CHCHD6: variants seen among roughly 807,000 people sequenced by gnomAD.
The protein encoded by CHCHD6 is MICOS complex subunit MIC25.
A neutral mutation model predicts 32.3 loss-of-function variants in CHCHD6; 28 were observed. That is an observed-to-expected ratio of 0.87 (90% CI 0.64 to 1.19). The LOEUF is 1.19. Among genes scored for constraint, CHCHD6 ranks in the 50% most tolerant of loss-of-function variants. The pLI is 0.00. For synonymous variants in CHCHD6, 122 were observed against 117.5 expected, an observed-to-expected ratio of 1.04 and a Z score of -0.25; for missense variants, 333 against 307.0, an observed-to-expected ratio of 1.08 and a Z score of -0.63.
intron 6 of CHCHD6, among the ~76,000 whole-genome samples, chr3:126,933,552 G>A (rs549081061): frequency 6.6e-6 from 1 of 152,312 alleles, no homozygotes; most frequent in South Asian, 2.1e-4. Context: ...CAAAGAAGGA[G>A]CCGGTGTGTC....
intron 6 of CHCHD6, among the ~76,000 whole-genome samples, chr3:126,942,375 T>C (rs1283236480): frequency 1.3e-5 from 2 of 152,230 alleles, no homozygotes; most frequent in Non-Finnish European, 2.9e-5. Context: ...TTAGCTTCCA[T>C]TGAGAACATT....
At chr3:126,771,980 G>A (rs534096375) in intron 4 of CHCHD6, among the ~76,000 whole-genome samples, 1 of 152,102 alleles carries the variant, frequency 6.6e-6, no homozygotes, top group Non-Finnish European at 1.5e-5. Flanking sequence ...GGTCCATTTG[G>A]TCAAGTGTTG....
At chr3:126,780,841 C>T (rs1937901057) in intron 4 of CHCHD6, among the ~76,000 whole-genome samples, 1 of 152,200 alleles carries the variant, frequency 6.6e-6, no homozygotes, top group Non-Finnish European at 1.5e-5. Context: ...AAGAAGACTG[C>T]AGGCAGACGA....
At chr3:126,881,591 G>A (rs554728208) in intron 5 of CHCHD6, among the ~76,000 whole-genome samples, 76 of 152,232 alleles carry the variant, frequency 5.0e-4, no homozygotes, top group African/African-American at 1.6e-3. Context: ...ACCACAAGTC[G>A]TTGCATCTCA....
chr3:126,765,078 T>C (rs560190621), intron 4 of CHCHD6, among the ~76,000 whole-genome samples: 2 of 152,126 alleles, frequency 1.3e-5, no homozygotes, highest in Non-Finnish European at 2.9e-5. Flanking sequence ...CTAGATCATT[T>C]TTGGCATTTT....
At chr3:126,859,738 T>C (rs1941792435) in intron 5 of CHCHD6, among the ~76,000 whole-genome samples, 1 of 152,084 alleles carries the variant, frequency 6.6e-6, no homozygotes, top group Non-Finnish European at 1.5e-5. Context: ...TCTGCGAGAC[T>C]CCAGAGCCCG....
At chr3:126,793,523 A>T (rs1480886660) in intron 4 of CHCHD6, among the ~76,000 whole-genome samples, 1 of 152,058 alleles carries the variant, frequency 6.6e-6, no homozygotes, top group African/African-American at 2.4e-5. Context: ...CCCCATAATG[A>T]TATGGGGTTG....
intron 6 of CHCHD6, among the ~76,000 whole-genome samples, chr3:126,938,257 G>T (rs532348110): frequency 6.6e-6 from 1 of 152,214 alleles, no homozygotes; most frequent in Non-Finnish European, 1.5e-5. Context: ...CTCTGGCACC[G>T]TAGCCAGAGC....
At chr3:126,939,240 G>T (rs927055564) in intron 6 of CHCHD6, among the ~76,000 whole-genome samples, 1 of 152,100 alleles carries the variant, frequency 6.6e-6, no homozygotes, top group Non-Finnish European at 1.5e-5. Flanking sequence ...GAGTGCCAGG[G>T]GTTTGGGCTT....
chr3:126,722,194 T>C (rs1456216094), intron 1 of CHCHD6, among the ~76,000 whole-genome samples: 1 of 152,264 alleles, frequency 6.6e-6, no homozygotes, highest in Non-Finnish European at 1.5e-5. Context: ...CCTCACCTGT[T>C]GTCCAGGCTG....
chr3:126,874,953 G>A (rs1256807724), intron 5 of CHCHD6, among the ~76,000 whole-genome samples: 1 of 152,112 alleles, frequency 6.6e-6, no homozygotes. Context: ...GGGTGCACTT[G>A]GTACACCTTC....
At chr3:126,865,432 T>C in intron 5 of CHCHD6, 1 of 318,052 alleles carries the variant, frequency 3.1e-6, no homozygotes, top group Non-Finnish European at 4.5e-6. Flanking sequence ...CTGCCACCTC[T>C]ACCCTCCACC....
chr3:126,767,184 T>C lies in CHCHD6; in HGVS notation c.411+33962T>C. 2.5e-6 allele frequency: 4 copies of C among 1,591,760 alleles called. No individual in the cohort carries two copies. The South Asian group carries it at 4.4e-5, about 18-fold the overall frequency. ...TTTCCTTTGCAGTCCATTATCATAC[T>C]GAATTCAGCCCCAAAGGCCATTTTG... On this transcript the variant is annotated intron_variant, in intron 4 of 7. Coordinates refer to ENST00000290913, the MANE Select transcript of CHCHD6 (RefSeq NM_032343.3).
Position 126,734,868 on chromosome 3 carries a change from AGTT to A in CHCHD6, c.411+1647_411+1649del, listed in dbSNP as rs1323681653. On this transcript the variant is annotated intron_variant, in intron 4 of 7. Coordinates refer to ENST00000290913, the MANE Select transcript of CHCHD6 (RefSeq NM_032343.3). Reference sequence around the variant, plus strand: ...TTAGAAGGCCTTGGATGTGCTGAGGAGTTAACCCTCAAAGTAGCCCGCATCGAT... The same window carrying A: ...TTAGAAGGCCTTGGATGTGCTGAGGAAACCCTCAAAGTAGCCCGCATCGAT... 8.2e-4 allele frequency among the ~76,000 whole-genome samples: 125 copies of A among 152,244 alleles called. 1 individual carries two copies. Among genetic ancestry groups the A allele is most frequent in the African/African-American group, 3.0e-3 (125 of 41,550 alleles).
At chr3:126,851,744 C>G (rs955870638) in intron 4 of CHCHD6, among the ~76,000 whole-genome samples, 1 of 152,242 alleles carries the variant, frequency 6.6e-6, no homozygotes, top group Non-Finnish European at 1.5e-5. Context: ...CCTGCCTTGC[C>G]GTGTGCTGGT....
At chr3:126,874,806 T>C (rs559346092) in intron 5 of CHCHD6, among the ~76,000 whole-genome samples, 1 of 152,164 alleles carries the variant, frequency 6.6e-6, no homozygotes, top group Non-Finnish European at 1.5e-5. Context: ...AGTTCCCTGC[T>C]CAGAAGGATG....
chr3:126,924,669 G>A (rs78355824), intron 6 of CHCHD6, among the ~76,000 whole-genome samples: 10,537 of 152,274 alleles, frequency 0.069, 450 homozygotes, highest in Admixed American at 0.14. Context: ...AGGTGTATGA[G>A]GCAATCTCCT....
intron 4 of CHCHD6, among the ~76,000 whole-genome samples, chr3:126,800,348 A>T (rs1939004426): frequency 6.6e-6 from 1 of 152,160 alleles, no homozygotes; most frequent in South Asian, 2.1e-4. Context: ...CAAAATTGTG[A>T]CAGCTGGAAA....
chr3:126,766,569 C>T (rs775896134), intron 4 of CHCHD6: 92 of 1,161,792 alleles, frequency 7.9e-5, no homozygotes, highest in Non-Finnish European at 1.1e-4. Context: ...GAGTCTTCAC[C>T]TCCTGGGCTG....
Sources: gnomAD v4.1 joint callset for allele counts (sites outside exome capture counted in the v4.1 genomes callset) on GRCh38, gnomAD v4.1.1 for gene constraint, MANE v1.5 for transcripts, NCBI Gene and HGNC (gene_info 2026-07-23, HGNC 2026-07-21) for gene names.